IL1RAPL1: variants seen among roughly 807,000 people sequenced by gnomAD.
The protein encoded by IL1RAPL1 is interleukin-1 receptor accessory protein-like 1.
A neutral mutation model predicts 48.4 loss-of-function variants in IL1RAPL1; 3 were observed. The ratio of observed to expected loss-of-function variants is 0.06; its 90% CI spans 0.03 to 0.16. The LOEUF is 0.16. IL1RAPL1 is among the 10% of genes least tolerant of loss of function. IL1RAPL1 has a pLI of 1.00. For missense variants in IL1RAPL1, 349 were observed against 530.6 expected (o/e 0.66, Z 3.36); for synonymous variants, 185 against 187.7 (o/e 0.99, Z 0.12).
Position 29,121,848 on chromosome X carries a change from C to G in IL1RAPL1, c.83-161090C>G, listed in dbSNP as rs147714115. On this transcript the variant is annotated intron_variant, in intron 2 of 10. Coordinates refer to ENST00000378993, the MANE Select transcript of IL1RAPL1 (RefSeq NM_014271.4). ...TTCGCAAAGGGCTTTGTTTTGCCTT[C>G]TATATCCAGTCAATTACTTCCAGTT... Among the ~76,000 whole-genome samples the G allele has an allele frequency of 6.9e-3, 770 of 111,916 alleles. 8 individuals carry two copies. The highest frequency in any genetic ancestry group is 0.024 in the African/African-American group (736 of 30,875).
chrX:29,333,685 C>G (rs1415398467), intron 3 of IL1RAPL1, among the ~76,000 whole-genome samples: 1 of 75,789 alleles, frequency 1.3e-5, no homozygotes, highest in African/African-American at 5.9e-5. Context: ...ACCTCCCGGA[C>G]TGGGTGGCTG....
At chrX:29,603,265 C>CAA (rs36018587) in intron 5 of IL1RAPL1, among the ~76,000 whole-genome samples, 14 of 62,832 alleles carry the variant, frequency 2.2e-4, no homozygotes, top group Non-Finnish European at 2.6e-4. Flanking sequence ...GACTCTATCT[C>CAA]AAAAAAAAAA....
At chrX:28,761,535 A>G (rs1936172239) in intron 1 of IL1RAPL1, among the ~76,000 whole-genome samples, 1 of 111,590 alleles carries the variant, frequency 9.0e-6, no homozygotes, top group African/African-American at 3.3e-5. Flanking sequence ...GGGGAAGCAA[A>G]ACGTTGTGTA....
intron 2 of IL1RAPL1, among the ~76,000 whole-genome samples, chrX:28,820,393 T>C (rs1448461336): frequency 9.0e-6 from 1 of 110,688 alleles, no homozygotes; most frequent in Non-Finnish European, 1.9e-5. Context: ...TGCATCTAAT[T>C]GGTTGCAGAG....
At chrX:28,683,657 T>C (rs1035009271) in intron 1 of IL1RAPL1, among the ~76,000 whole-genome samples, 1 of 112,376 alleles carries the variant, frequency 8.9e-6, no homozygotes, top group African/African-American at 3.2e-5. Flanking sequence ...TATTTTACTC[T>C]TCTGGAAGTG....
intron 2 of IL1RAPL1, among the ~76,000 whole-genome samples, chrX:29,232,157 A>G (rs1931213141): frequency 8.9e-6 from 1 of 111,782 alleles, no homozygotes; most frequent in African/African-American, 3.2e-5. Context: ...ATTAAATGTT[A>G]GTGAATTTTG....
chrX:29,207,403 C>T (rs753298797), intron 2 of IL1RAPL1, among the ~76,000 whole-genome samples: 4 of 112,072 alleles, frequency 3.6e-5, no homozygotes, highest in South Asian at 3.7e-4. Flanking sequence ...GCCAAAATTT[C>T]GAATTTTGAC....
rs1416034547 is a variant in IL1RAPL1, at chrX:29,487,290, G to A, written c.703+87982G>A. On this transcript the variant is annotated intron_variant, in intron 5 of 10. Transcript: ENST00000378993. Reference sequence around the variant, plus strand: ...TATAATTCTCTAACTATGAGCAATTGTTTTGTTGAGTTTTGTTGTCAGTGT... The same window carrying A: ...TATAATTCTCTAACTATGAGCAATTATTTTGTTGAGTTTTGTTGTCAGTGT... 5.4e-5 allele frequency among the ~76,000 whole-genome samples: 6 copies of A among 111,699 alleles called. No homozygotes were observed. In the Admixed American group the frequency reaches 5.7e-4, roughly 11 times the overall value.
At chrX:28,944,201 T>C (rs1924237076) in intron 2 of IL1RAPL1, among the ~76,000 whole-genome samples, 1 of 110,801 alleles carries the variant, frequency 9.0e-6, no homozygotes, top group African/African-American at 3.3e-5. Context: ...AAATCACATA[T>C]TCCTCAGGAT....
intron 7 of IL1RAPL1, 27 bp downstream of exon 7, chrX:29,917,623 T>G: frequency 8.6e-7 from 1 of 1,160,142 alleles, no homozygotes; most frequent in Non-Finnish European, 1.2e-6. Flanking sequence ...TTAACCTGTA[T>G]AGTCAAGATT....
chrX:29,877,150 C>T (rs750703071), intron 6 of IL1RAPL1, among the ~76,000 whole-genome samples: 1 of 112,037 alleles, frequency 8.9e-6, no homozygotes, highest in Non-Finnish European at 1.9e-5. Context: ...CAATGCCACA[C>T]GTACAACTAT....
rs553346762 is a variant in IL1RAPL1 at position 28,908,115 on chromosome X, C to T, written c.82+118690C>T. Among the ~76,000 whole-genome samples the T allele has an allele frequency of 1.1e-4, 12 of 111,500 alleles. No homozygotes were observed. The South Asian group carries it at 4.5e-3, about 41-fold the overall frequency. ...TTTTGTCTCTCTCATTTTTTCTTGG[C>T]TAGCATGGCTAGTGGTTTGTCAAAT... On this transcript the variant is annotated intron_variant, in intron 2 of 10. Coordinates refer to ENST00000378993, the MANE Select transcript of IL1RAPL1 (RefSeq NM_014271.4).
At chrX:29,591,074 C>T (rs763400506) in intron 5 of IL1RAPL1, among the ~76,000 whole-genome samples, 10 of 112,074 alleles carry the variant, frequency 8.9e-5, no homozygotes, top group Non-Finnish European at 1.7e-4. Context: ...TATCAGTGGT[C>T]TGGACAAACA....
At chrX:29,787,585 GA>G (rs1183538077) in intron 6 of IL1RAPL1, among the ~76,000 whole-genome samples, 1 of 111,567 alleles carries the variant, frequency 9.0e-6, no homozygotes, top group Non-Finnish European at 1.9e-5. Context: ...AAAGGAAAGA[GA>G]AATTATGAGA....
chrX:29,915,093 A>G (rs1390777039), intron 6 of IL1RAPL1, among the ~76,000 whole-genome samples: 2 of 112,067 alleles, frequency 1.8e-5, no homozygotes, highest in Non-Finnish European at 3.8e-5. Flanking sequence ...CAGTAGTTCA[A>G]GACCGGCCTG....
intron 3 of IL1RAPL1, among the ~76,000 whole-genome samples, chrX:29,316,280 G>T (rs1932770139): frequency 8.9e-6 from 1 of 111,975 alleles, no homozygotes; most frequent in Admixed American, 9.5e-5. Context: ...AAATGACAGT[G>T]GTTATGAACT....
At chrX:29,734,394 G>GCT (rs975421682) in intron 6 of IL1RAPL1, among the ~76,000 whole-genome samples, 1 of 111,930 alleles carries the variant, frequency 8.9e-6, no homozygotes, top group Non-Finnish European at 1.9e-5. Context: ...GTGGGTTAGA[G>GCT]CTCTCTCTGG....
At chrX:29,491,841 C>T (rs558165747) in intron 5 of IL1RAPL1, among the ~76,000 whole-genome samples, 1 of 110,816 alleles carries the variant, frequency 9.0e-6, no homozygotes, top group Non-Finnish European at 1.9e-5. Flanking sequence ...TGTCTATCAC[C>T]TTCTTCTTCA....
chrX:28,800,091 G>T (rs914348983), intron 2 of IL1RAPL1, among the ~76,000 whole-genome samples: 1 of 111,803 alleles, frequency 8.9e-6, no homozygotes, highest in Non-Finnish European at 1.9e-5. Context: ...TTCTTCTGAA[G>T]GCTCTGTGAC....
Sources: allele counts gnomAD v4.1 joint callset (sites outside exome capture counted in the v4.1 genomes callset), GRCh38; gene constraint gnomAD v4.1.1; transcripts MANE v1.5; gene names NCBI Gene and HGNC (gene_info 2026-07-23, HGNC 2026-07-21).